REDIC1: variants seen among roughly 807,000 people sequenced by gnomAD.
REDIC1 encodes regulator of DNA class I crossover intermediates 1.
At chr12:39,677,531 A>G in the REDIC1 span, among the ~76,000 whole-genome samples, 23 of 152,290 alleles carry the variant, frequency 1.5e-4, no homozygotes, top group Admixed American at 6.5e-4. Flanking sequence ...TAGAGAGGTC[A>G]TCAAGACAGA....
chr12:39,742,300 A>G, the REDIC1 span, among the ~76,000 whole-genome samples: 1 of 152,126 alleles, frequency 6.6e-6, no homozygotes, highest in Admixed American at 6.5e-5. Flanking sequence ...CCACAGTTAA[A>G]TATCCTTTTT....
chr12:39,640,804 T>C, the REDIC1 span: 2 of 495,706 alleles, frequency 4.0e-6, no homozygotes, highest in Admixed American at 7.8e-5. Flanking sequence ...ATAAATACTT[T>C]AAGAATATTT....
the REDIC1 span, among the ~76,000 whole-genome samples, chr12:39,710,174 C>CT: frequency 1.3e-5 from 2 of 151,626 alleles, no homozygotes. Context: ...TTATTCTGTT[C>CT]TTTTAAAAAA....
the REDIC1 span, among the ~76,000 whole-genome samples, chr12:39,818,958 T>A: frequency 6.6e-6 from 1 of 152,156 alleles, no homozygotes; most frequent in African/African-American, 2.4e-5. Flanking sequence ...AACATAGGTC[T>A]GCATAATCAA....
At chr12:39,722,806 A>C in the REDIC1 span, among the ~76,000 whole-genome samples, 5 of 151,776 alleles carry the variant, frequency 3.3e-5, no homozygotes, top group South Asian at 2.1e-4. Flanking sequence ...ATCTTGCCCC[A>C]AAAGCGGTAT....
the REDIC1 span, among the ~76,000 whole-genome samples, chr12:39,666,949 TTCTC>T: frequency 3.9e-5 from 6 of 152,212 alleles, no homozygotes; most frequent in Non-Finnish European, 8.8e-5. Context: ...TATTTGATTC[TTCTC>T]TCTTTTCTTC....
At chr12:39,800,315 C>T in the REDIC1 span, among the ~76,000 whole-genome samples, 8 of 152,080 alleles carry the variant, frequency 5.3e-5, no homozygotes, top group Non-Finnish European at 1.2e-4. Context: ...CAAGGTATTT[C>T]CAAGGGGGGA....
At chr12:39,877,388 A>C in the REDIC1 span, among the ~76,000 whole-genome samples, 11 of 152,148 alleles carry the variant, frequency 7.2e-5, no homozygotes, top group East Asian at 1.4e-3. Context: ...ACAAGAACAG[A>C]ATTGGAACCC....
At chr12:39,799,937 A>T in the REDIC1 span, among the ~76,000 whole-genome samples, 1 of 152,218 alleles carries the variant, frequency 6.6e-6, no homozygotes, top group Non-Finnish European at 1.5e-5. Context: ...CCTTAGAGTA[A>T]GAAGTGTTCC....
the REDIC1 span, among the ~76,000 whole-genome samples, chr12:39,878,015 T>C: frequency 6.6e-6 from 1 of 152,160 alleles, no homozygotes; most frequent in Non-Finnish European, 1.5e-5. Flanking sequence ...TGCTCCTGCT[T>C]TTGCCATGTG....
At chr12:39,899,074 A>C in the REDIC1 span, among the ~76,000 whole-genome samples, 4 of 151,886 alleles carry the variant, frequency 2.6e-5, no homozygotes, top group Non-Finnish European at 5.9e-5. Flanking sequence ...TCCTCCTTGT[A>C]CCTCTGGTAG....
the REDIC1 span, among the ~76,000 whole-genome samples, chr12:39,708,426 C>T: frequency 1.3e-5 from 2 of 151,854 alleles, no homozygotes; most frequent in Admixed American, 1.3e-4. Flanking sequence ...TTGCAGAAGA[C>T]TTATCTTCTT....
At chr12:39,889,127 G>A in the REDIC1 span, among the ~76,000 whole-genome samples, 1 of 152,018 alleles carries the variant, frequency 6.6e-6, no homozygotes, top group East Asian at 1.9e-4. Flanking sequence ...CAAACCAAAT[G>A]TTGGCTCATA....
the REDIC1 span, among the ~76,000 whole-genome samples, chr12:39,654,770 A>G: frequency 6.6e-6 from 1 of 152,098 alleles, no homozygotes; most frequent in Non-Finnish European, 1.5e-5. Context: ...AAAAGTTGAA[A>G]GTGTTTCCCC....
the REDIC1 span, among the ~76,000 whole-genome samples, chr12:39,749,431 G>A: frequency 3.3e-5 from 5 of 152,122 alleles, no homozygotes; most frequent in African/African-American, 7.2e-5. Context: ...ATAATTAATA[G>A]CCTACCAACC....
At chr12:39,776,149 T>C in the REDIC1 span, among the ~76,000 whole-genome samples, 3 of 152,222 alleles carry the variant, frequency 2.0e-5, no homozygotes, top group Non-Finnish European at 4.4e-5. Flanking sequence ...GGCATTACAG[T>C]TATTAGCCCT....
the REDIC1 span, among the ~76,000 whole-genome samples, chr12:39,704,042 G>A: frequency 2.0e-5 from 3 of 152,252 alleles, no homozygotes; most frequent in East Asian, 1.9e-4. Context: ...AACACCAAAA[G>A]CAATGGCAAC....
chr12:39,703,165 G>A, the REDIC1 span, among the ~76,000 whole-genome samples: 1 of 152,176 alleles, frequency 6.6e-6, no homozygotes, highest in Non-Finnish European at 1.5e-5. Flanking sequence ...CAGATGACAT[G>A]ACTGCATATA....
the REDIC1 span, among the ~76,000 whole-genome samples, chr12:39,699,781 G>C: frequency 1.3e-5 from 2 of 152,208 alleles, no homozygotes; most frequent in Non-Finnish European, 2.9e-5. Context: ...GTGGGTCCCT[G>C]ACCCCTGACC....
Sources: gnomAD v4.1 joint callset for allele counts (sites outside exome capture counted in the v4.1 genomes callset) on GRCh38, gnomAD v4.1.1 for gene constraint, MANE v1.5 for transcripts, NCBI Gene and HGNC (gene_info 2026-07-23, HGNC 2026-07-21) for gene names.